Variants in FHIT observed in about 807,000 individuals in gnomAD.
The protein encoded by FHIT is fragile histidine triad diadenosine triphosphatase, also known as bis(5'-adenosyl)-triphosphatase.
FHIT carries 19 observed loss-of-function variants against 17.9 expected under a neutral mutation model. The ratio of observed to expected loss-of-function variants is 1.06; its 90% CI spans 0.74 to 1.56. FHIT has a LOEUF of 1.56. Ranked by LOEUF, FHIT falls within the 40% of genes most tolerant of loss-of-function variation. FHIT has a pLI of 0.00. For missense variants in FHIT, 248 were observed against 189.2 expected (o/e 1.31, Z -1.82); for synonymous variants, 81 against 69.7 (o/e 1.16, Z -0.81).
At chr3:60,014,973 A>ATT (rs1311348475) in intron 5 of FHIT, among the ~76,000 whole-genome samples, 1 of 151,326 alleles carries the variant, frequency 6.6e-6, no homozygotes, top group Admixed American at 6.6e-5. Flanking sequence ...CTGTTACACC[A>ATT]TCAATAACAT....
At chr3:61,013,971 T>G (rs1343337157) in intron 3 of FHIT, among the ~76,000 whole-genome samples, 1 of 152,010 alleles carries the variant, frequency 6.6e-6, no homozygotes, top group African/African-American at 2.4e-5. Context: ...ATCTGTAAAA[T>G]AAGAAAGTTG....
intron 3 of FHIT, among the ~76,000 whole-genome samples, chr3:60,877,013 C>G (rs782219152): frequency 6.6e-6 from 1 of 152,312 alleles, no homozygotes; most frequent in Non-Finnish European, 1.5e-5. Flanking sequence ...GTAGCCTCCA[C>G]CAACACCTTG....
chr3:60,607,390 G>T (rs538345568), intron 4 of FHIT, among the ~76,000 whole-genome samples: 52 of 151,834 alleles, frequency 3.4e-4, no homozygotes, highest in Non-Finnish European at 6.6e-4. Context: ...ACTTGCAAGG[G>T]TTGGCAAATG....
chr3:60,080,786 C>T (rs1703246194), intron 5 of FHIT: 1 of 152,128 alleles, frequency 6.6e-6, no homozygotes, highest in South Asian at 2.1e-4. Flanking sequence ...AATGGTATTA[C>T]TTACCAAGGG....
At chr3:60,086,767 C>T (rs1214849140) in intron 5 of FHIT, among the ~76,000 whole-genome samples, 2 of 152,200 alleles carry the variant, frequency 1.3e-5, no homozygotes, top group Non-Finnish European at 2.9e-5. Flanking sequence ...CAGCTCTGCC[C>T]CTATAACTTC....
Position 60,200,452 on chromosome 3 carries a change from T to A in FHIT, c.104-186300A>T, listed in dbSNP as rs1339805860. On this transcript the variant is annotated intron_variant, in intron 5 of 9. Transcript: ENST00000492590. Reference sequence around the variant, plus strand: ...TGACCTCCCCCTTCTCTAGGACATATCCCTGGCATTTTCCTATACATGACC... The same window carrying A: ...TGACCTCCCCCTTCTCTAGGACATAACCCTGGCATTTTCCTATACATGACC... Among the ~76,000 whole-genome samples the A allele has an allele frequency of 2.0e-5, 3 of 152,234 alleles. No individual in the cohort carries two copies. In the South Asian group the frequency reaches 6.2e-4, roughly 32 times the overall value.
intron 3 of FHIT, among the ~76,000 whole-genome samples, chr3:60,828,773 G>T (rs1702213917): frequency 6.6e-6 from 1 of 152,196 alleles, no homozygotes; most frequent in African/African-American, 2.4e-5. Context: ...AGCCACTTGG[G>T]AGACTGAGGC....
intron 8 of FHIT, among the ~76,000 whole-genome samples, chr3:59,851,625 T>C (rs1449639759): frequency 6.6e-6 from 1 of 152,196 alleles, no homozygotes; most frequent in East Asian, 1.9e-4. Context: ...GTTGCAAAGC[T>C]CATTTCACCC....
chr3:59,775,318 A>G (rs1702256036), intron 8 of FHIT, among the ~76,000 whole-genome samples: 1 of 152,150 alleles, frequency 6.6e-6, no homozygotes, highest in African/African-American at 2.4e-5. Context: ...TCTGCTTAAC[A>G]TTCCTTACCC....
rs533343753 is a variant in FHIT at position 60,481,609 on chromosome 3, C to A, written c.103+55251G>T. 2.6e-3 allele frequency among the ~76,000 whole-genome samples: 390 copies of A among 152,240 alleles called. 3 individuals are homozygous for A. Among genetic ancestry groups the A allele is most frequent in the African/African-American group, 8.4e-3 (350 of 41,542 alleles). ...AAGCATAAGAGAAATAAAATCCTTT[C>A]CAGACAAGCAAATGCTGAGGGATTT... On this transcript the variant is annotated intron_variant, in intron 5 of 9. Transcript: ENST00000492590.
intron 4 of FHIT, among the ~76,000 whole-genome samples, chr3:60,607,974 C>G (rs536795241): frequency 6.6e-6 from 1 of 152,284 alleles, no homozygotes; most frequent in South Asian, 2.1e-4. Context: ...AAGTCTTCTC[C>G]TCCCTGCTCC....
At chr3:60,869,468 T>C (rs1704306413) in intron 3 of FHIT, among the ~76,000 whole-genome samples, 1 of 152,138 alleles carries the variant, frequency 6.6e-6, no homozygotes, top group Non-Finnish European at 1.5e-5. Context: ...TAGGGAAATA[T>C]GGTTGTCCAC....
At chr3:60,589,469 T>C (rs2038012389) in intron 4 of FHIT, among the ~76,000 whole-genome samples, 1 of 152,086 alleles carries the variant, frequency 6.6e-6, no homozygotes, top group South Asian at 2.1e-4. Context: ...ATTTACATCG[T>C]TCTTTTGAAC....
chr3:60,096,495 G>A (rs1467377628), intron 5 of FHIT, among the ~76,000 whole-genome samples: 1 of 152,180 alleles, frequency 6.6e-6, no homozygotes, highest in Admixed American at 6.5e-5. Flanking sequence ...TTTCATCCAG[G>A]ACCAGCAGTC....
chr3:61,030,599 G>A (rs1256037348), intron 3 of FHIT, among the ~76,000 whole-genome samples: 1 of 152,162 alleles, frequency 6.6e-6, no homozygotes, highest in East Asian at 1.9e-4. Context: ...TACTCACAAA[G>A]TTTAGATTCT....
chr3:60,121,418 G>A lies in FHIT; in HGVS notation c.104-107266C>T, dbSNP rs1023468867. Among the ~76,000 whole-genome samples the A allele has an allele frequency of 2.6e-4, 39 of 152,106 alleles. 1 individual carries two copies. The highest frequency in any genetic ancestry group is 2.1e-4 in the Non-Finnish European group (14 of 68,024). ...ACATGTGTACAGGCCGGGCACAGTG[G>A]CTCATCCCTGTAATCCCAACACTTT... On this transcript the variant is annotated intron_variant, in intron 5 of 9. Coordinates refer to ENST00000492590, the MANE Select transcript of FHIT (RefSeq NM_002012.4).
intron 5 of FHIT, among the ~76,000 whole-genome samples, chr3:60,291,334 G>A (rs1034917415): frequency 6.6e-6 from 1 of 152,116 alleles, no homozygotes; most frequent in Admixed American, 6.6e-5. Flanking sequence ...TTAGGACTAG[G>A]TTTGCCATTT....
At chr3:60,822,339 G>T (rs530147590) in intron 3 of FHIT, among the ~76,000 whole-genome samples, 44 of 152,232 alleles carry the variant, frequency 2.9e-4, no homozygotes, top group African/African-American at 1.1e-3. Flanking sequence ...GGAAAGTCCT[G>T]GCACTGGGGC....
chr3:59,866,350 A>T (rs1702649505), intron 8 of FHIT, among the ~76,000 whole-genome samples: 1 of 152,060 alleles, frequency 6.6e-6, no homozygotes, highest in Admixed American at 6.5e-5. Flanking sequence ...TGTAACTGCT[A>T]TTGGGTGAAT....
Sources: allele counts gnomAD v4.1 joint callset (sites outside exome capture counted in the v4.1 genomes callset), GRCh38; gene constraint gnomAD v4.1.1; transcripts MANE v1.5; gene names NCBI Gene and HGNC (gene_info 2026-07-23, HGNC 2026-07-21).